TMPRSS6: variants seen among roughly 807,000 people sequenced by gnomAD.
TMPRSS6 encodes the protein transmembrane serine protease 6.
A neutral mutation model predicts 101.5 loss-of-function variants in TMPRSS6; 67 were observed. That is an observed-to-expected ratio of 0.66 (90% CI 0.54 to 0.81). TMPRSS6 has a LOEUF of 0.81. Ranked by LOEUF, TMPRSS6 falls within the 30% of genes least tolerant of loss-of-function variation. The probability of loss-of-function intolerance (pLI) is 0.00; values close to 1 mark genes in which losing one functional copy is unlikely to be tolerated. For missense variants in TMPRSS6, 1,034 were observed against 1,088.7 expected (o/e 0.95, Z 0.71); for synonymous variants, 453 against 464.9 (o/e 0.97, Z 0.33).
chr22:37,097,658 T>TG (rs1929882904), intron 3 of TMPRSS6, among the ~76,000 whole-genome samples: 2 of 126,100 alleles, frequency 1.6e-5, no homozygotes, highest in East Asian at 2.3e-4. Flanking sequence ...GGGGCAGGAG[T>TG]GGCCACCGTC....
In TMPRSS6 at chr22:37,069,316, A is replaced by G. The variant is rs1186565063; in HGVS notation, c.1870T>C (p.Phe624Leu). Residue 624 changes from phenylalanine (F) to leucine (L), a missense_variant, in exon 16 of 18, where the codon TTC (phenylalanine) becomes CTC (leucine). Phe to Leu is a conservative substitution (Grantham distance 22). Transcript: ENST00000676104. This position sits in a 1 kb window ranked among gnomAD's most constrained non-coding sequence, Gnocchi z 4.8. ...GAGTTCTGCCACACCTTGCCCAGGA[A>G]CACGGTCCACAGCACCGTGGAGGCC... ...SMASTVLWTV[F>L]LGKVWQNSRW... The G allele has an allele frequency of 2.2e-6, 3 of 1,348,858 alleles. No homozygotes were observed. The highest frequency in any genetic ancestry group is 2.3e-5 in the South Asian group (2 of 87,192). 83.6% of individuals were successfully genotyped at this position (1,348,858 alleles called of 1,614,324 possible). A position where few individuals can be genotyped will look rare whatever the true frequency, so the allele number is the denominator to read the frequency against.
upstream of TMPRSS6, among the ~76,000 whole-genome samples, chr22:37,110,462 C>T (rs924931621): frequency 1.3e-5 from 2 of 152,172 alleles, no homozygotes; most frequent in East Asian, 1.9e-4. Flanking sequence ...TACCTGGTTC[C>T]GTAGCGCTGT....
intron 10 of TMPRSS6, chr22:37,083,952 G>A (rs1928461781): frequency 1.9e-6 from 1 of 535,920 alleles, no homozygotes; most frequent in Non-Finnish European, 3.3e-6. Flanking sequence ...CTTTGGCTCT[G>A]GAAACATTTT....
intron 13 of TMPRSS6, among the ~76,000 whole-genome samples, 153 bp downstream of exon 13, chr22:37,073,379 G>C (rs1601525426): frequency 6.6e-6 from 1 of 151,960 alleles, no homozygotes; most frequent in Non-Finnish European, 1.5e-5. Flanking sequence ...TGGATGGATG[G>C]ATGGATGGAT....
At chr22:37,100,128 C>T (rs1180726117) in intron 2 of TMPRSS6, among the ~76,000 whole-genome samples, 4 of 152,100 alleles carry the variant, frequency 2.6e-5, no homozygotes, top group East Asian at 3.9e-4. Flanking sequence ...CCACCACGCC[C>T]GGTTAATTTT....
intron 10 of TMPRSS6, chr22:37,080,094 G>C (rs931382381): frequency 6.6e-6 from 1 of 152,384 alleles, no homozygotes; most frequent in Non-Finnish European, 1.5e-5. Flanking sequence ...TCCCGGAAAG[G>C]GGGAAGCCCG....
At chr22:37,098,353 G>C (rs1930002894) in intron 3 of TMPRSS6, 63 bp downstream of exon 3, 1 of 1,612,176 alleles carries the variant, frequency 6.2e-7, no homozygotes, top group Admixed American at 1.7e-5. Flanking sequence ...CATGTGATCA[G>C]ACCCCACCCC....
At chr22:37,078,573 G>A (rs958236253) in intron 10 of TMPRSS6, among the ~76,000 whole-genome samples, 4 of 152,072 alleles carry the variant, frequency 2.6e-5, no homozygotes, top group Non-Finnish European at 4.4e-5. Flanking sequence ...TGGCCCAAGC[G>A]GAGTCACTCA....
chr22:37,074,633 T>C lies in TMPRSS6; in HGVS notation c.1418A>G (p.Asn473Ser), dbSNP rs1927445303. ...PACDGVKDCPNGLDERNCVCR... is the reference protein window; with the variant it reads ...PACDGVKDCPSGLDERNCVCR... ...ACCGCAGTTTCTCTCATCCAGGCCG[T>C]TGGGGCAGTCCTTGACCCCATCACA... Residue 473 changes from asparagine to serine, a missense_variant, in exon 12 of 18, where the codon AAC becomes AGC. Coordinates refer to ENST00000676104, the MANE Select transcript of TMPRSS6 (RefSeq NM_001374504.1). The C allele has an allele frequency of 6.2e-7, 1 of 1,614,178 alleles. No individual in the cohort carries two copies. Among genetic ancestry groups the C allele is most frequent in the Non-Finnish European group, 8.5e-7 (1 of 1,180,028 alleles).
chr22:37,083,886 C>A, intron 10 of TMPRSS6: 1 of 443,896 alleles, frequency 2.3e-6, no homozygotes, highest in East Asian at 3.4e-5. Flanking sequence ...AAGGGAGAGG[C>A]ACCTCTGATG....
rs1056650386 is a variant in TMPRSS6, at chr22:37,089,870, C to A, written c.632-88G>T. On this transcript the variant is annotated intron_variant, in intron 6 of 17. Coordinates refer to ENST00000676104, the MANE Select transcript of TMPRSS6 (RefSeq NM_001374504.1). ...AGCCAGGTCCCTCAAGGTCCTCCAC[C>A]AGGCAGGATGGGCTGGGCAGGGGAG... The A allele has an allele frequency of 1.5e-5, 21 of 1,389,722 alleles. No individual in the cohort carries two copies. In the African/African-American group the frequency reaches 3.0e-4, roughly 20 times the overall value. 86.1% of individuals were successfully genotyped at this position (1,389,722 alleles called of 1,614,324 possible). A position where few individuals can be genotyped will look rare whatever the true frequency, so the allele number is the denominator to read the frequency against.
chr22:37,089,534 C>T (rs1182654431), intron 7 of TMPRSS6, 44 bp downstream of exon 7: 1 of 1,535,300 alleles, frequency 6.5e-7, no homozygotes, highest in Non-Finnish European at 8.8e-7. Flanking sequence ...ATCAACCACT[C>T]CCTTTTCCAG....
At chr22:37,084,654 T>C in intron 9 of TMPRSS6, 73 bp downstream of exon 9, 1 of 1,315,374 alleles carries the variant, frequency 7.6e-7, no homozygotes, top group Non-Finnish European at 1.1e-6. Flanking sequence ...CTGCCCCCTC[T>C]CATCCCGGGT....
At chr22:37,107,318 T>C (rs1930776204) in intron 1 of TMPRSS6, among the ~76,000 whole-genome samples, 1 of 152,118 alleles carries the variant, frequency 6.6e-6, no homozygotes, top group African/African-American at 2.4e-5. Flanking sequence ...CCCATCCTCT[T>C]GGGTTTCCTG....
At chr22:37,090,031 C>A in intron 6 of TMPRSS6, among the ~76,000 whole-genome samples, 1 of 152,230 alleles carries the variant, frequency 6.6e-6, no homozygotes, top group East Asian at 1.9e-4. Context: ...CTTCTCAGTG[C>A]CCAGGTAAAA....
chr22:37,103,612 A>C lies in TMPRSS6; in HGVS notation c.-1-194T>G. 1.9e-6 allele frequency: 3 copies of C among 1,606,050 alleles called. No homozygotes were observed. The highest frequency in any genetic ancestry group is 2.6e-6 in the Non-Finnish European group (3 of 1,176,064). The stretch of plus-strand genomic sequence containing the variant: ...GGAAGTGCATCTCAGGTCAGCTCGC[A>C]CCAGAGGGCAGGCACCAGAGCTGGA... On this transcript the variant is annotated intron_variant, in intron 1 of 17. Coordinates refer to ENST00000676104, the MANE Select transcript of TMPRSS6 (RefSeq NM_001374504.1). The surrounding 1 kb of genome is among the most constrained non-coding windows in gnomAD (Gnocchi z 4.4).
chr22:37,081,514 T>C (rs574276704), intron 10 of TMPRSS6, among the ~76,000 whole-genome samples: 14 of 152,154 alleles, frequency 9.2e-5, no homozygotes, highest in Non-Finnish European at 1.8e-4. Flanking sequence ...CAATCAAAGA[T>C]TGGGGCCCTG....
intron 13 of TMPRSS6, among the ~76,000 whole-genome samples, chr22:37,072,207 GGATGGAT>G (rs1311758444): frequency 0.016 from 2,251 of 142,922 alleles, 138 homozygotes; most frequent in African/African-American, 0.058. Flanking sequence ...ATGAATGGAT[GGATGGAT>G]GATGGATGGA....
chr22:37,067,019 A>G (rs1926364713), intron 16 of TMPRSS6, 57 bp from the exon 17 acceptor site: 13 of 1,611,082 alleles, frequency 8.1e-6, no homozygotes, highest in African/African-American at 1.3e-5. Context: ...CCTGTTCTCT[A>G]TTCTCCCTAA....
Sources: gnomAD v4.1 joint callset for allele counts (sites outside exome capture counted in the v4.1 genomes callset) on GRCh38, gnomAD v4.1.1 for gene constraint, Gnocchi (gnomAD v3.1) non-coding constraint, MANE v1.5 for transcripts, NCBI Gene and HGNC (gene_info 2026-07-23, HGNC 2026-07-21) for gene names.